The following TBL3 variants were observed in gnomAD, a reference collection of about 807,000 sequenced individuals.
TBL3 encodes transducin beta like 3.
A neutral mutation model predicts 102.7 loss-of-function variants in TBL3; 71 were observed. That is an observed-to-expected ratio of 0.69 (90% CI 0.57 to 0.84). The LOEUF is 0.84. TBL3 is among the 40% of genes least tolerant of loss of function. The pLI, the probability that TBL3 is intolerant of heterozygous loss-of-function variation, is 0.00. For synonymous variants in TBL3, 578 were observed against 477.7 expected, an observed-to-expected ratio of 1.21 and a Z score of -2.74; for missense variants, 1,188 against 1,098.5, an observed-to-expected ratio of 1.08 and a Z score of -1.15.
Position 1,979,968 on chromosome 16 carries a change from C to A in TBL3, c.*1283C>A. ...TCCCTCGGGTCCAGGAGCAGAGGAG[C>A]AAATCCCTGGGTTCTTGGGGGGCCC... On this transcript the variant is annotated 3_prime_UTR_variant, in exon 22 of 22. Transcript: ENST00000568546. The A allele has an allele frequency of 6.3e-7, 1 of 1,589,536 alleles. No homozygotes were observed. Among genetic ancestry groups the A allele is most frequent in the East Asian group, 2.3e-5 (1 of 43,864 alleles).
intron 1 of TBL3, among the ~76,000 whole-genome samples, chr16:1,972,891 C>G (rs2083370573): frequency 6.6e-6 from 1 of 152,108 alleles, no homozygotes. Flanking sequence ...GCGCAGTGAG[C>G]CAGGCCTTGA....
chr16:1,974,002 C>T (rs1388587425), intron 1 of TBL3, 54 bp from the exon 2 acceptor site: 4 of 1,495,344 alleles, frequency 2.7e-6, no homozygotes, highest in East Asian at 4.7e-5. Context: ...CAGGGCGGGG[C>T]CCTGGGGACT....
Position 1,978,756 on chromosome 16 carries a change from C to T in TBL3, c.*71C>T. On this transcript the variant is annotated 3_prime_UTR_variant, in exon 22 of 22. Coordinates refer to ENST00000568546, the MANE Select transcript of TBL3 (RefSeq NM_006453.3). Reference sequence around the variant, plus strand: ...ATAAAGGCCGCTCTCCTGGCCGGCTCTGTCTCTCTGGACTGCAGTCCAGCC... The same window carrying T: ...ATAAAGGCCGCTCTCCTGGCCGGCTTTGTCTCTCTGGACTGCAGTCCAGCC... The T allele has an allele frequency of 2.6e-6, 4 of 1,552,764 alleles. No homozygotes were observed. Among genetic ancestry groups the T allele is most frequent in the South Asian group, 1.2e-5 (1 of 84,344 alleles).
Position 1,981,214 on chromosome 16 carries a change from G to C in TBL3, c.*2529G>C, listed in dbSNP as rs753601709. On this transcript the variant is annotated 3_prime_UTR_variant, in exon 22 of 22. Transcript: ENST00000568546. ...TTCCAGGCTGCAGATTCCTGAAATG[G>C]GCGAGGACCCTTCTGCCTCCCCGTG... 3 of 1,612,822 alleles carry C rather than the reference G, an allele frequency of 1.9e-6. No individual in the cohort carries two copies. The highest frequency in any genetic ancestry group is 2.5e-6 in the Non-Finnish European group (3 of 1,179,806).
chr16:1,977,451 G>A lies in TBL3; in HGVS notation c.1742+25G>A, dbSNP rs560801057. 6.1e-5 allele frequency: 86 copies of A among 1,413,794 alleles called. No individual in the cohort carries two copies. The South Asian group carries it at 8.9e-4, about 15-fold the overall frequency. 87.6% of individuals were successfully genotyped at this position (1,413,794 alleles called of 1,614,324 possible). ...GGTGAGTGGGCTGGGGTGGGGCAGC[G>A]ATGGAGTGGGGGGTGGCGGGGGGAC... On this transcript the variant is annotated intron_variant, in intron 16 of 21. Coordinates refer to ENST00000568546, the MANE Select transcript of TBL3 (RefSeq NM_006453.3).
In TBL3 at chr16:1,975,439, G is replaced by T. The variant is rs768829502; in HGVS notation, c.805+1G>T. 1 of 1,613,576 alleles carries T rather than the reference G, an allele frequency of 6.2e-7. No homozygotes were observed. Among genetic ancestry groups the T allele is most frequent in the South Asian group, 1.1e-5 (1 of 91,084 alleles). ...TACTTTCTGACAGCTGGCGACCAAG[G>T]TGTGTTGGGCCGGGACATGGGCAGG... On this transcript the variant is annotated splice_donor_variant, in intron 9 of 21. Coordinates refer to ENST00000568546, the MANE Select transcript of TBL3 (RefSeq NM_006453.3). LOFTEE classifies it high-confidence loss of function.
Position 1,979,963 on chromosome 16 carries a change from A to G in TBL3, c.*1278A>G. The stretch of plus-strand genomic sequence containing the variant: ...GAGGCTCCCTCGGGTCCAGGAGCAG[A>G]GGAGCAAATCCCTGGGTTCTTGGGG... On this transcript the variant is annotated 3_prime_UTR_variant, in exon 22 of 22. Coordinates refer to ENST00000568546, the MANE Select transcript of TBL3 (RefSeq NM_006453.3). The G allele has an allele frequency of 6.3e-7, 1 of 1,579,956 alleles. No individual in the cohort carries two copies. Among genetic ancestry groups the G allele is most frequent in the South Asian group, 1.1e-5 (1 of 87,916 alleles).
intron 20 of TBL3, 21 bp from the exon 21 acceptor site, chr16:1,978,292 T>G (rs369420874): frequency 3.7e-6 from 6 of 1,610,462 alleles, no homozygotes; most frequent in Non-Finnish European, 5.1e-6. Flanking sequence ...GGCAAGACGA[T>G]GAGGGTCCTG....
chr16:1,975,283 G>C, intron 8 of TBL3, 21 bp downstream of exon 8: 2 of 1,614,006 alleles, frequency 1.2e-6, no homozygotes, highest in Non-Finnish European at 1.7e-6. Context: ...CTGGAGGCCA[G>C]GGCTGGTTGA....
In TBL3 at chr16:1,977,950, C is replaced by T; in HGVS notation, c.1959-8C>T. ...GGCCCTCAGTGGCCTCTCCTCCCCT[C>T]CCCACAGGCAGCAAGAGCTGGACAA... On this transcript the variant is annotated splice_region_variant and splice_polypyrimidine_tract_variant and intron_variant, in intron 18 of 21. Transcript: ENST00000568546. 2 of 1,592,880 alleles carry T rather than the reference C, an allele frequency of 1.3e-6. No individual in the cohort carries two copies. The highest frequency in any genetic ancestry group is 1.3e-5 in the African/African-American group (1 of 74,712).
chr16:1,977,783 A>G lies in TBL3; in HGVS notation c.1941A>G (p.Gln647=). ...EAEQAEEQAR[Q]EEQVVRQQEL... Reference sequence around the variant, plus strand: ...AGCAGGCAGAGGAGCAGGCCAGGCAAGAGGAGCAGGTGGTCAGGTAAGGCC... The same window carrying G: ...AGCAGGCAGAGGAGCAGGCCAGGCAGGAGGAGCAGGTGGTCAGGTAAGGCC... Residue 647 remains glutamine, a synonymous_variant, in exon 18 of 22, where the codon CAA becomes CAG. Coordinates refer to ENST00000568546, the MANE Select transcript of TBL3 (RefSeq NM_006453.3). 6.4e-7 allele frequency: 1 copy of G among 1,556,374 alleles called. No homozygotes were observed. The highest frequency in any genetic ancestry group is 8.7e-7 in the Non-Finnish European group (1 of 1,149,564).
rs531985129 is a variant in TBL3, at chr16:1,978,867, T to C, written c.*182T>C. On this transcript the variant is annotated 3_prime_UTR_variant, in exon 22 of 22. Coordinates refer to ENST00000568546, the MANE Select transcript of TBL3 (RefSeq NM_006453.3). ...GCCCTGCCACGCCCATCCCGCACCC[T>C]GGCCTGGCAGAGATCCAGCCCGCGG... 8.2e-5 allele frequency: 89 copies of C among 1,089,022 alleles called. 1 individual carries two copies. In the South Asian group the frequency reaches 1.3e-3, roughly 15 times the overall value. 67.5% of individuals were successfully genotyped at this position (1,089,022 alleles called of 1,614,324 possible). A position where few individuals can be genotyped will look rare whatever the true frequency, so the allele number is the denominator to read the frequency against.
Position 1,981,086 on chromosome 16 carries a change from G to A in TBL3, c.*2401G>A. 6.2e-7 allele frequency: 1 copy of A among 1,611,372 alleles called. No individual in the cohort carries two copies. Among genetic ancestry groups the A allele is most frequent in the South Asian group, 1.1e-5 (1 of 91,034 alleles). ...CAGGCACCCCCTTCCTATCCCTTGG[G>A]GCCACTAAGGACCCAGCCAGGTCTT... On this transcript the variant is annotated 3_prime_UTR_variant, in exon 22 of 22. Transcript: ENST00000568546.
intron 17 of TBL3, 29 bp downstream of exon 17, chr16:1,977,699 C>T (rs946971855): frequency 8.4e-6 from 13 of 1,551,718 alleles, no homozygotes; most frequent in South Asian, 2.4e-5. Context: ...AGGGAAGAGT[C>T]GGGGTGGAGT....
rs143011019 is a variant in TBL3 at position 1,978,398 on chromosome 16, G to T, written c.2220G>T (p.Arg740Ser). 1 of 1,611,626 alleles carries T rather than the reference G, an allele frequency of 6.2e-7. No homozygotes were observed. The highest frequency in any genetic ancestry group is 1.3e-5 in the African/African-American group (1 of 75,020). Residue 740 changes from arginine (R) to serine (S), a missense_variant, in exon 21 of 22, where the codon AGG becomes AGT. By Grantham distance (110) the Arg-to-Ser change is moderately radical. Coordinates refer to ENST00000568546, the MANE Select transcript of TBL3 (RefSeq NM_006453.3). ...AGGCCGTGCTGGGTGTGCTCTTGAG[G>T]CGAGAGGCCCCCGAGGAGCTGCTGG... ...EAQAVLGVLLRREAPEELLAY... is the reference protein window; with the variant it reads ...EAQAVLGVLLSREAPEELLAY...
Position 1,977,987 on chromosome 16 carries a change from A to T in TBL3, c.1988A>T (p.Glu663Val), listed in dbSNP as rs1641949739. The T allele has an allele frequency of 6.2e-7, 1 of 1,605,078 alleles. No individual in the cohort carries two copies. The highest frequency in any genetic ancestry group is 2.2e-5 in the East Asian group (1 of 44,834). The stretch of plus-strand genomic sequence containing the variant: ...CAAGAGCTGGACAACCTGCTGCATG[A>T]GAAGCGGTACCTGCGGGCGCTGGGC... ...RQQELDNLLH[E>V]KRYLRALGLA... The change falls in exon 19 of 22, where the codon GAG (glutamate) becomes GTG (valine). Residue 663 changes from glutamate (E) to valine (V), a missense_variant. Physicochemically the swap from Glu to Val is moderately radical, Grantham distance 121. Coordinates refer to ENST00000568546, the MANE Select transcript of TBL3 (RefSeq NM_006453.3).
chr16:1,977,828 C>A, intron 18 of TBL3, 28 bp downstream of exon 18: 1 of 1,560,102 alleles, frequency 6.4e-7, no homozygotes, highest in Non-Finnish European at 8.7e-7. Context: ...GCGCCCCTCC[C>A]CGCATCAGCC....
rs1359266695 is a variant in TBL3, at chr16:1,979,622, G to C, written c.*937G>C. ...CCGCACCCTTCTCCACATTCTCCTT[G>C]CTTGAGTCTGCTGACGGCGGGGCCG... On this transcript the variant is annotated 3_prime_UTR_variant, in exon 22 of 22. Coordinates refer to ENST00000568546, the MANE Select transcript of TBL3 (RefSeq NM_006453.3). 8.8e-6 allele frequency: 12 copies of C among 1,359,284 alleles called. No homozygotes were observed. Among genetic ancestry groups the C allele is most frequent in the South Asian group, 1.3e-5 (1 of 76,720 alleles). 84.2% of individuals were successfully genotyped at this position (1,359,284 alleles called of 1,614,324 possible).
Position 1,980,399 on chromosome 16 carries a change from G to A in TBL3, c.*1714G>A, listed in dbSNP as rs1477970560. The A allele has an allele frequency of 1.2e-6, 2 of 1,602,836 alleles. No individual in the cohort carries two copies. The highest frequency in any genetic ancestry group is 1.7e-6 in the Non-Finnish European group (2 of 1,179,804). ...GTGGCAGCGCGGGCTCCAGGTCCAG[G>A]GGTTGCGGTGCGAAGAAGCCAGTGA... On this transcript the variant is annotated 3_prime_UTR_variant, in exon 22 of 22. Coordinates refer to ENST00000568546, the MANE Select transcript of TBL3 (RefSeq NM_006453.3).
Sources: gnomAD v4.1 joint callset for allele counts (sites outside exome capture counted in the v4.1 genomes callset) on GRCh38, gnomAD v4.1.1 for gene constraint, MANE v1.5 for transcripts, NCBI Gene and HGNC (gene_info 2026-07-23, HGNC 2026-07-21) for gene names.